ATRN: variants seen among roughly 807,000 people sequenced by gnomAD.
ATRN encodes the protein attractin.
ATRN carries 54 observed loss-of-function variants against 178.7 expected under a neutral mutation model. That is an observed-to-expected ratio of 0.30 (90% CI 0.24 to 0.38). The LOEUF is 0.38. ATRN is among the 10% of genes least tolerant of loss of function. ATRN has a pLI of 1.00. For missense variants in ATRN, 1,443 were observed against 1,815.1 expected, an observed-to-expected ratio of 0.79 and a Z score of 3.73; for synonymous variants, 636 against 663.0, an observed-to-expected ratio of 0.96 and a Z score of 0.63.
intron 1 of ATRN, among the ~76,000 whole-genome samples, chr20:3,513,039 T>G (rs1376842061): frequency 6.6e-6 from 1 of 152,194 alleles, no homozygotes; most frequent in East Asian, 1.9e-4. Flanking sequence ...TTGCAAAAAT[T>G]TTCTCCCATT....
In ATRN at chr20:3,634,271, G is replaced by C. The variant is rs1600171399; in HGVS notation, c.3864-40G>C. ...GTGGGCAACGGTGGGAGCTGATTCT[G>C]GGGGCTGGGATAATAACTCAGTACT... On this transcript the variant is annotated intron_variant, in intron 25 of 28. Coordinates refer to ENST00000262919, the MANE Select transcript of ATRN (RefSeq NM_139321.3). The C allele has an allele frequency of 3.8e-6, 6 of 1,587,794 alleles. No homozygotes were observed. The East Asian group carries it at 1.1e-4, about 30-fold the overall frequency.
At chr20:3,575,741 A>G in intron 12 of ATRN, 86 bp from the exon 13 acceptor site, 5 of 1,447,324 alleles carry the variant, frequency 3.5e-6, no homozygotes, top group Non-Finnish European at 4.7e-6. Flanking sequence ...CTTCTTAACC[A>G]TTGTTACGAT....
intron 2 of ATRN, 71 bp from the exon 3 acceptor site, chr20:3,540,151 A>T (rs2085597596): frequency 1.1e-6 from 1 of 889,506 alleles, no homozygotes; most frequent in Non-Finnish European, 1.7e-6. Context: ...TAAAAATCTG[A>T]ATTTTTATAT....
chr20:3,567,308 C>T (rs559043990), intron 11 of ATRN, among the ~76,000 whole-genome samples: 1 of 152,258 alleles, frequency 6.6e-6, no homozygotes, highest in East Asian at 1.9e-4. Context: ...CAGGATTTGG[C>T]ACATAATAGA....
At position 3,563,228 on chromosome 20, in the gene ATRN, C is replaced by A. The variant is rs368161533; in HGVS notation, c.1651C>A (p.Arg551=). 3 of 1,612,638 alleles carry A rather than the reference C, an allele frequency of 1.9e-6. No individual in the cohort carries two copies. The highest frequency in any genetic ancestry group is 2.5e-6 in the Non-Finnish European group (3 of 1,179,224). ...TQMWTILKDS[R]FFRYLHTAVI... ...CAAAAGGACCATTCTTAAGGACAGC[C>A]GATTTTTCCGTTACTTGCACACAGC... Residue 551 remains arginine (R), a synonymous_variant, in exon 10 of 29, where the codon CGA becomes AGA. Transcript: ENST00000262919.
intron 6 of ATRN, among the ~76,000 whole-genome samples, chr20:3,554,886 A>G (rs573276075): frequency 7.9e-5 from 12 of 152,184 alleles, no homozygotes; most frequent in Admixed American, 1.3e-4. Flanking sequence ...TTTAAAAAAA[A>G]ATAGTAAGAA....
At chr20:3,479,448 G>T (rs2084586085) in intron 1 of ATRN, among the ~76,000 whole-genome samples, 3 of 152,190 alleles carry the variant, frequency 2.0e-5, no homozygotes, top group African/African-American at 4.8e-5. Flanking sequence ...GGGGGTTCTG[G>T]TGGAAGACAT....
intron 24 of ATRN, among the ~76,000 whole-genome samples, chr20:3,611,810 A>T (rs935599634): frequency 1.1e-4 from 16 of 152,214 alleles, no homozygotes; most frequent in Non-Finnish European, 2.4e-4. Context: ...CTACACACTT[A>T]TCAAAATGAC....
chr20:3,584,690 G>C lies in ATRN; in HGVS notation c.2994G>C (p.Glu998Asp), dbSNP rs2086331733. 1 of 1,613,930 alleles carries C rather than the reference G, an allele frequency of 6.2e-7. No individual in the cohort carries two copies. The highest frequency in any genetic ancestry group is 1.3e-5 in the African/African-American group (1 of 74,960). Residue 998 changes from glutamate (E) to aspartate (D), a missense_variant, in exon 18 of 29, where the codon GAG (glutamate) becomes GAC (aspartate). Coordinates refer to ENST00000262919, the MANE Select transcript of ATRN (RefSeq NM_139321.3). ...ACTGTACCTGTAGTCATTGCTTGGA[G>C]CAACCAGGCTGTGGCTGGTGTACTG... Reference protein sequence around the residue: ...SGYCTCSHCLEQPGCGWCTDP... With the variant: ...SGYCTCSHCLDQPGCGWCTDP...
intron 1 of ATRN, chr20:3,490,717 C>A: frequency 1.3e-6 from 1 of 796,890 alleles, no homozygotes; most frequent in African/African-American, 1.7e-5. Flanking sequence ...ACACAGATCT[C>A]ATTTGGGTGC....
intron 1 of ATRN, among the ~76,000 whole-genome samples, chr20:3,483,836 A>G (rs1290088845): frequency 1.3e-5 from 2 of 152,196 alleles, no homozygotes; most frequent in Non-Finnish European, 2.9e-5. Context: ...AAGAGATACA[A>G]TTTCTGTATA....
chr20:3,559,070 A>G (rs1405786059), intron 6 of ATRN, among the ~76,000 whole-genome samples: 1 of 152,196 alleles, frequency 6.6e-6, no homozygotes, highest in Non-Finnish European at 1.5e-5. Context: ...AGTTATTGTA[A>G]TAAAATTTTG....
chr20:3,609,266 G>T (rs142610334), intron 24 of ATRN, among the ~76,000 whole-genome samples: 4 of 151,974 alleles, frequency 2.6e-5, no homozygotes, highest in African/African-American at 9.6e-5. Context: ...TTATTCCTAC[G>T]GTTGTTTTTG....
chr20:3,538,753 C>T (rs1421348144), intron 2 of ATRN, among the ~76,000 whole-genome samples: 2 of 152,178 alleles, frequency 1.3e-5, no homozygotes, highest in Non-Finnish European at 2.9e-5. Context: ...ACCATCGTCT[C>T]TCTCCTGGGC....
chr20:3,532,545 G>T (rs376480184), intron 1 of ATRN, among the ~76,000 whole-genome samples: 1 of 152,122 alleles, frequency 6.6e-6, no homozygotes, highest in Non-Finnish European at 1.5e-5. Context: ...GTCTCTTCTT[G>T]GATGTTTATC....
Position 3,535,588 on chromosome 20 carries a change from T to TACAC in ATRN, c.494+288_494+291dup, listed in dbSNP as rs11468707. ...CCAACTGTAATAGTTCAGAAACGGT[T>TACAC]ACACACACACACACACACACACACA... On this transcript the variant is annotated intron_variant, in intron 2 of 28. Transcript: ENST00000262919. 9.8e-3 allele frequency among the ~76,000 whole-genome samples: 1,399 copies of TACAC among 143,146 alleles called. 25 individuals carry two copies. Among genetic ancestry groups the TACAC allele is most frequent in the African/African-American group, 0.03 (1,168 of 38,384 alleles). The allele number at this position is 143,146 out of a possible 152,430, so 93.9% of individuals were successfully genotyped here.
At chr20:3,496,527 A>T (rs1262717578) in intron 1 of ATRN, among the ~76,000 whole-genome samples, 2 of 152,024 alleles carry the variant, frequency 1.3e-5, no homozygotes, top group Non-Finnish European at 2.9e-5. Context: ...ATAGTTTGTT[A>T]TAATTTCTGT....
Position 3,629,083 on chromosome 20 carries a change from C to T in ATRN, c.3863+4511C>T, listed in dbSNP as rs545488662. 79 of 985,356 alleles carry T rather than the reference C, an allele frequency of 8.0e-5. No homozygotes were observed. In the African/African-American group the frequency reaches 1.2e-3, roughly 15 times the overall value. 61.0% of individuals were successfully genotyped at this position (985,356 alleles called of 1,614,324 possible). A position where few individuals can be genotyped will look rare whatever the true frequency, so the allele number is the denominator to read the frequency against. ...TTCTCTTGCTTTCACTCAGCAGGCACTCCCTTACCAGGCCCCAGAGCTGTG... is the reference window on the plus strand; with the variant it reads ...TTCTCTTGCTTTCACTCAGCAGGCATTCCCTTACCAGGCCCCAGAGCTGTG... On this transcript the variant is annotated intron_variant, in intron 25 of 28. Coordinates refer to ENST00000262919, the MANE Select transcript of ATRN (RefSeq NM_139321.3).
chr20:3,596,291 T>C (rs781316190), intron 20 of ATRN, 86 bp from the exon 21 acceptor site: 56 of 1,351,738 alleles, frequency 4.1e-5, no homozygotes, highest in Non-Finnish European at 5.4e-5. Flanking sequence ...CTATCTGTAC[T>C]TTATATAAAA....
Sources: gnomAD v4.1 joint callset for allele counts (sites outside exome capture counted in the v4.1 genomes callset) on GRCh38, gnomAD v4.1.1 for gene constraint, MANE v1.5 for transcripts, NCBI Gene and HGNC (gene_info 2026-07-23, HGNC 2026-07-21) for gene names.